EXOC4: variants seen among roughly 807,000 people sequenced by gnomAD.
EXOC4 encodes exocyst complex component 4.
EXOC4 carries 71 observed loss-of-function variants against 107.2 expected under a neutral mutation model. That is an observed-to-expected ratio of 0.66 (90% confidence interval 0.55 to 0.81). The LOEUF (loss-of-function observed/expected upper bound fraction) is 0.81, where lower values mean the gene tolerates loss of function less well. Ranked by LOEUF, EXOC4 falls within the 30% of genes least tolerant of loss-of-function variation. EXOC4 has a pLI of 0.00. For synonymous variants in EXOC4, 456 were observed against 441.2 expected (o/e 1.03, Z -0.42); for missense variants, 1,108 against 1,189.6 (o/e 0.93, Z 1.01).
At chr7:133,504,564 G>C (rs758911676) in intron 9 of EXOC4, among the ~76,000 whole-genome samples, 2 of 152,064 alleles carry the variant, frequency 1.3e-5, no homozygotes, top group African/African-American at 2.4e-5. Context: ...TTGATTTGCT[G>C]TATGCTCAGT....
intron 7 of EXOC4, among the ~76,000 whole-genome samples, chr7:133,446,013 C>CT (rs1374684911): frequency 3.4e-4 from 8 of 23,576 alleles, no homozygotes; most frequent in African/African-American, 6.0e-4. Flanking sequence ...GGAACCCTGT[C>CT]TTAAAAAAAA....
chr7:133,897,824 C>G (rs553951525), intron 12 of EXOC4, among the ~76,000 whole-genome samples: 9 of 152,212 alleles, frequency 5.9e-5, no homozygotes, highest in Non-Finnish European at 8.8e-5. Context: ...TCCATTACCT[C>G]TCATACTTCT....
chr7:133,291,239 G>A (rs1794397936), intron 3 of EXOC4, among the ~76,000 whole-genome samples: 1 of 151,930 alleles, frequency 6.6e-6, no homozygotes, highest in Admixed American at 6.6e-5. Context: ...ATATATTCTA[G>A]ATATTAATTC....
intron 13 of EXOC4, among the ~76,000 whole-genome samples, chr7:133,920,292 T>TA (rs1406344621): frequency 6.6e-6 from 1 of 152,238 alleles, no homozygotes; most frequent in Non-Finnish European, 1.5e-5. Flanking sequence ...CTTCATCTGA[T>TA]AAGTATTTTG....
chr7:133,865,216 TA>T (rs999073772), intron 11 of EXOC4, among the ~76,000 whole-genome samples: 10 of 151,836 alleles, frequency 6.6e-5, no homozygotes, highest in African/African-American at 2.2e-4. Context: ...TTCATTTCCT[TA>T]AAAAAAACCA....
chr7:133,702,750 C>CT (rs1794693653), intron 10 of EXOC4, among the ~76,000 whole-genome samples: 1 of 152,072 alleles, frequency 6.6e-6, no homozygotes, highest in African/African-American at 2.4e-5. Flanking sequence ...CAGAGTCATC[C>CT]GTGGCTCCAT....
chr7:133,607,932 G>A (rs1219156507), intron 9 of EXOC4, among the ~76,000 whole-genome samples: 1 of 152,116 alleles, frequency 6.6e-6, no homozygotes, highest in Non-Finnish European at 1.5e-5. Context: ...GGTAGTGGGG[G>A]GAGCAAGCCA....
chr7:134,073,268 C>T, the EXOC4 span, among the ~76,000 whole-genome samples: 1 of 145,350 alleles, frequency 6.9e-6, no homozygotes, highest in African/African-American at 2.6e-5. Flanking sequence ...GCAGGGTGGA[C>T]CCAAGACTGT....
chr7:133,285,608 CTCTT>C (rs1794256848), intron 2 of EXOC4, among the ~76,000 whole-genome samples: 1 of 152,044 alleles, frequency 6.6e-6, no homozygotes, highest in East Asian at 1.9e-4. Context: ...TTATGATTGT[CTCTT>C]TATCCCTTGT....
At chr7:133,653,673 A>G (rs1194881595) in intron 10 of EXOC4, among the ~76,000 whole-genome samples, 1 of 152,058 alleles carries the variant, frequency 6.6e-6, no homozygotes, top group African/African-American at 2.4e-5. Context: ...ATGTTGCTCC[A>G]TTTTCCTCCC....
intron 5 of EXOC4, among the ~76,000 whole-genome samples, chr7:133,332,965 G>A (rs1795428544): frequency 1.3e-5 from 2 of 152,006 alleles, no homozygotes; most frequent in Admixed American, 6.6e-5. Flanking sequence ...TTGCTACAGA[G>A]CTATTTTAAA....
chr7:133,922,563 A>T (rs1413874872), intron 13 of EXOC4, among the ~76,000 whole-genome samples: 1 of 152,132 alleles, frequency 6.6e-6, no homozygotes, highest in Admixed American at 6.5e-5. Flanking sequence ...AAATTTATAC[A>T]TGGCCGGGCG....
intron 7 of EXOC4, among the ~76,000 whole-genome samples, chr7:133,422,447 G>C (rs1192172203): frequency 6.6e-6 from 1 of 152,114 alleles, no homozygotes; most frequent in Non-Finnish European, 1.5e-5. Context: ...AATAAAGAGG[G>C]TATTGATATT....
intron 10 of EXOC4, among the ~76,000 whole-genome samples, chr7:133,723,949 A>G (rs1795161186): frequency 6.6e-6 from 1 of 152,196 alleles, no homozygotes; most frequent in African/African-American, 2.4e-5. Context: ...GATCTACTAA[A>G]TAAATAGATT....
chr7:133,561,641 G>T (rs1413291906), intron 9 of EXOC4, among the ~76,000 whole-genome samples: 3 of 152,156 alleles, frequency 2.0e-5, no homozygotes, highest in Non-Finnish European at 4.4e-5. Context: ...ATGAGAAAAA[G>T]AAATTGATTC....
At chr7:134,098,509 G>C in the EXOC4 span, among the ~76,000 whole-genome samples, 1 of 152,166 alleles carries the variant, frequency 6.6e-6, no homozygotes, top group African/African-American at 2.4e-5. Context: ...AGCTAGGTCT[G>C]CATCTTAAAT....
chr7:134,032,487 A>T (rs953795697), intron 17 of EXOC4, among the ~76,000 whole-genome samples: 18 of 152,188 alleles, frequency 1.2e-4, no homozygotes, highest in Non-Finnish European at 5.9e-5. Context: ...TTCCCCTGCC[A>T]GGCTCAGAGC....
rs558474074 is a variant in EXOC4 at position 133,751,366 on chromosome 7, G to C, written c.1515-65959G>C. 7.2e-5 allele frequency among the ~76,000 whole-genome samples: 11 copies of C among 152,114 alleles called. No homozygotes were observed. The South Asian group carries it at 1.5e-3, about 20-fold the overall frequency. The stretch of plus-strand genomic sequence containing the variant: ...ACAAATCCAATTAGTAAAATTTTGG[G>C]GCTGGGAAGGGTTAGCCAGGGAAAG... On this transcript the variant is annotated intron_variant, in intron 10 of 17. Coordinates refer to ENST00000253861, the MANE Select transcript of EXOC4 (RefSeq NM_021807.4).
At chr7:133,729,913 A>G (rs1795291192) in intron 10 of EXOC4, among the ~76,000 whole-genome samples, 1 of 151,986 alleles carries the variant, frequency 6.6e-6, no homozygotes, top group Non-Finnish European at 1.5e-5. Flanking sequence ...GGTCAAAGGT[A>G]TACGATACAT....
Sources: allele counts gnomAD v4.1 joint callset (sites outside exome capture counted in the v4.1 genomes callset), GRCh38; gene constraint gnomAD v4.1.1; transcripts MANE v1.5; gene names NCBI Gene and HGNC (gene_info 2026-07-23, HGNC 2026-07-21).